The following TG variants were observed in gnomAD, a reference collection of about 807,000 sequenced individuals.
TG encodes the protein thyroglobulin.
In TG, 270 loss-of-function variants were observed where a neutral mutation model predicts 324.7. That is an observed-to-expected ratio of 0.83 (90% CI 0.75 to 0.92). The LOEUF (loss-of-function observed/expected upper bound fraction) is 0.92. Among genes scored for constraint, TG ranks in the 40% least tolerant of loss-of-function variants. The pLI, the probability that TG is intolerant of heterozygous loss-of-function variation, is 0.00. For synonymous variants in TG, 1,401 were observed against 1,327.0 expected (o/e 1.06, Z -1.21); for missense variants, 3,591 against 3,456.4 (o/e 1.04, Z -0.98).
intron 29 of TG, among the ~76,000 whole-genome samples, chr8:132,963,733 G>A (rs1828104345): frequency 6.7e-6 from 1 of 150,018 alleles, no homozygotes; most frequent in Admixed American, 6.7e-5. Flanking sequence ...TGTAGGAATA[G>A]GAGTAGGAGC....
intron 41 of TG, among the ~76,000 whole-genome samples, chr8:133,056,308 C>T (rs1025873365): frequency 1.3e-5 from 2 of 152,204 alleles, no homozygotes; most frequent in East Asian, 3.8e-4. Context: ...AAGACCATCT[C>T]ATGTACCAGC....
At chr8:133,105,882 G>A (rs1427837368) in intron 43 of TG, among the ~76,000 whole-genome samples, 2 of 152,134 alleles carry the variant, frequency 1.3e-5, no homozygotes, top group Non-Finnish European at 2.9e-5. Context: ...TCTACTGGTG[G>A]ACCTCTGCAA....
At chr8:132,907,689 T>A (rs569801117) in intron 17 of TG, among the ~76,000 whole-genome samples, 12 of 152,236 alleles carry the variant, frequency 7.9e-5, no homozygotes, top group African/African-American at 2.4e-4. Context: ...TATGTTGAAA[T>A]CAAGACCAGG....
intron 40 of TG, 51 bp downstream of exon 40, chr8:133,022,201 G>A (rs1472637406): frequency 3.7e-6 from 6 of 1,612,496 alleles, no homozygotes; most frequent in Non-Finnish European, 5.1e-6. Context: ...CCAAGGCTCA[G>A]CCCCTTTTCC....
At chr8:133,004,519 C>A (rs147359232) in intron 35 of TG, among the ~76,000 whole-genome samples, 10 of 152,256 alleles carry the variant, frequency 6.6e-5, no homozygotes, top group Non-Finnish European at 8.8e-5. Flanking sequence ...GGGGGAGTAT[C>A]CTGTGGTCTT....
At chr8:132,946,994 A>G (rs1310468169) in intron 26 of TG, among the ~76,000 whole-genome samples, 1 of 152,188 alleles carries the variant, frequency 6.6e-6, no homozygotes, top group Non-Finnish European at 1.5e-5. Context: ...CAAGTGAGCC[A>G]GACCACAGTG....
chr8:132,925,516 C>CGTGTGTGCGT (rs1554670100), intron 22 of TG, among the ~76,000 whole-genome samples: 4 of 144,732 alleles, frequency 2.8e-5, no homozygotes, highest in East Asian at 2.0e-4. Context: ...CTAAGGAGTG[C>CGTGTGTGCGT]GTGTGTGTGT....
In TG at chr8:132,913,241, G is replaced by A. The variant is rs1315077807; in HGVS notation, c.4354G>A (p.Ala1452Thr). 1.2e-6 allele frequency: 2 copies of A among 1,614,082 alleles called. No homozygotes were observed. Among genetic ancestry groups the A allele is most frequent in the African/African-American group, 2.7e-5 (2 of 74,926 alleles). ...ATTCTACCAAGTCTTGACAAGTGAGGCCAGTCAGGACGGACTGGGATGCGG... is the reference window on the plus strand; with the variant it reads ...ATTCTACCAAGTCTTGACAAGTGAGACCAGTCAGGACGGACTGGGATGCGG... The part of the protein sequence containing the change: ...EGFYQVLTSE[A>T]SQDGLGCVKC... Residue 1452 changes from alanine to threonine, a missense_variant, in exon 20 of 48, where the codon GCC becomes ACC. Coordinates refer to ENST00000220616, the MANE Select transcript of TG (RefSeq NM_003235.5).
chr8:132,906,622 G>T (rs186112371), intron 16 of TG, 66 bp from the exon 17 acceptor site: 1 of 1,579,280 alleles, frequency 6.3e-7, no homozygotes, highest in Non-Finnish European at 8.7e-7. Flanking sequence ...ACACCCACAA[G>T]CAGGCATGCT....
intron 4 of TG, 102 bp downstream of exon 4, chr8:132,871,653 G>A: frequency 3.5e-6 from 4 of 1,147,118 alleles, no homozygotes; most frequent in Non-Finnish European, 4.9e-6. Context: ...AGTGGGCAGA[G>A]AACCAGGCCC....
chr8:133,084,930 C>A (rs1307344873), intron 41 of TG, among the ~76,000 whole-genome samples: 1 of 152,190 alleles, frequency 6.6e-6, no homozygotes, highest in East Asian at 1.9e-4. Flanking sequence ...AGAAAAATGG[C>A]CTGAATCCAA....
intron 45 of TG, among the ~76,000 whole-genome samples, chr8:133,118,800 G>C (rs1027607374): frequency 3.3e-5 from 5 of 152,190 alleles, no homozygotes; most frequent in African/African-American, 9.7e-5. Flanking sequence ...CCCAATCCCT[G>C]GAACCTGGAA....
intron 41 of TG, among the ~76,000 whole-genome samples, chr8:133,062,610 G>GC (rs1486475282): frequency 6.6e-6 from 1 of 152,274 alleles, no homozygotes; most frequent in African/African-American, 2.4e-5. Context: ...GGGGATTGTA[G>GC]CCACAGGCGC....
At position 132,897,686 on chromosome 8, in the gene TG, C is replaced by A. The variant is rs185607407; in HGVS notation, c.3039C>A (p.Asp1013Glu). ...SFYQRRRFSP[D>E]DSAGASALLR... ...ATCAGAGACGCCGCTTTTCCCCGGA[C>A]GACTCGGCTGGAGCATCCGCCCTTC... Residue 1013 changes from aspartate to glutamate, a missense_variant, in exon 12 of 48, where the codon GAC becomes GAA. Physicochemically the swap from Asp to Glu is conservative, Grantham distance 45. Coordinates refer to ENST00000220616, the MANE Select transcript of TG (RefSeq NM_003235.5). 2.5e-6 allele frequency: 4 copies of A among 1,614,110 alleles called. No homozygotes were observed. Among genetic ancestry groups the A allele is most frequent in the Middle Eastern group, 1.6e-4 (1 of 6,084 alleles).
chr8:133,125,531 A>T (rs1166515057), intron 45 of TG, among the ~76,000 whole-genome samples: 1 of 152,246 alleles, frequency 6.6e-6, no homozygotes, highest in Non-Finnish European at 1.5e-5. Context: ...TTCGTGTATT[A>T]AGCTGGAAGA....
intron 25 of TG, among the ~76,000 whole-genome samples, chr8:132,939,667 T>G (rs1462245542): frequency 2.6e-5 from 3 of 117,108 alleles, no homozygotes; most frequent in African/African-American, 8.3e-5. Flanking sequence ...TATGGGGTTT[T>G]TTTTTTTTGT....
chr8:133,054,345 C>T (rs1483755742), intron 41 of TG, among the ~76,000 whole-genome samples: 1 of 152,106 alleles, frequency 6.6e-6, no homozygotes, highest in African/African-American at 2.4e-5. Context: ...AGAGAATTTT[C>T]GGGAAAGAGA....
At chr8:133,111,739 A>G (rs1850263755) in intron 43 of TG, among the ~76,000 whole-genome samples, 1 of 152,228 alleles carries the variant, frequency 6.6e-6, no homozygotes, top group Non-Finnish European at 1.5e-5. Flanking sequence ...TTACATGATC[A>G]TGGTCAAAAT....
rs182323190 is a variant in TG at position 132,936,476 on chromosome 8, G to A, written c.5041+612G>A. ...CTAGCCTTTCTAATCACCCCTTAGA[G>A]AGTGCCAGTGCTGCTGGTCCGGGGA... On this transcript the variant is annotated intron_variant, in intron 25 of 47. Transcript: ENST00000220616. 2.4e-3 allele frequency among the ~76,000 whole-genome samples: 358 copies of A among 152,314 alleles called. 1 individual carries two copies. Among genetic ancestry groups the A allele is most frequent in the African/African-American group, 8.4e-3 (351 of 41,578 alleles).
Sources: gnomAD v4.1 joint callset for allele counts (sites outside exome capture counted in the v4.1 genomes callset) on GRCh38, gnomAD v4.1.1 for gene constraint, MANE v1.5 for transcripts, NCBI Gene and HGNC (gene_info 2026-07-23, HGNC 2026-07-21) for gene names.